PPP1R1A: variants seen among roughly 807,000 people sequenced by gnomAD.
The protein encoded by PPP1R1A is protein phosphatase 1 regulatory subunit 1A.
A neutral mutation model predicts 23.9 loss-of-function variants in PPP1R1A; 18 were observed. The ratio of observed to expected loss-of-function variants is 0.75; its 90% CI spans 0.52 to 1.12. PPP1R1A has a LOEUF of 1.12. Among genes scored for constraint, PPP1R1A ranks in the 50% most tolerant of loss-of-function variants. PPP1R1A has a pLI of 0.00. For synonymous variants in PPP1R1A, 84 were observed against 80.7 expected (o/e 1.04, Z -0.22); for missense variants, 207 against 223.8 (o/e 0.92, Z 0.48).
intron 3 of PPP1R1A, among the ~76,000 whole-genome samples, 197 bp from the exon 4 acceptor site, chr12:54,582,992 G>C (rs527299071): frequency 6.6e-6 from 1 of 152,112 alleles, no homozygotes; most frequent in Non-Finnish European, 1.5e-5. Flanking sequence ...CAACCACCTC[G>C]ACAATGGTGA....
chr12:54,588,397 C>T lies in PPP1R1A; in HGVS notation c.84+8G>A. ...GCGAGTGCCCTGCCGCCCCGCCCTG[C>T]TCCGCACCTGCTCCGCCGCCTCGGG... On this transcript the variant is annotated splice_region_variant and intron_variant, in intron 1 of 6. Transcript: ENST00000257905. 6.7e-7 allele frequency: 1 copy of T among 1,494,482 alleles called. No individual in the cohort carries two copies. Among genetic ancestry groups the T allele is most frequent in the Non-Finnish European group, 9.0e-7 (1 of 1,116,726 alleles). 92.6% of individuals were successfully genotyped at this position (1,494,482 alleles called of 1,614,324 possible).
In PPP1R1A at chr12:54,588,256, A is replaced by ACCC. The variant is rs142801029; in HGVS notation, c.84+146_84+148dup. On this transcript the variant is annotated intron_variant, in intron 1 of 6. Coordinates refer to ENST00000257905, the MANE Select transcript of PPP1R1A (RefSeq NM_006741.4). ...CCGACGGTGGGGGAGGGGACAGAAG[A>ACCC]CCCCCCCCCGCCCCCCGCAAACTGA... is the stretch of plus-strand genomic sequence containing the variant. The ACCC allele has an allele frequency of 6.2e-3, 1,127 of 181,488 alleles. 29 individuals carry two copies. The highest frequency in any genetic ancestry group is 0.029 in the African/African-American group (1,065 of 36,634). The allele number at this position is 181,488 out of a possible 1,614,324, so 11.2% of individuals were successfully genotyped here.
In PPP1R1A at chr12:54,581,146, C is replaced by T; in HGVS notation, c.404-96G>A. 1.0e-6 allele frequency: 1 copy of T among 957,326 alleles called. No individual in the cohort carries two copies. The highest frequency in any genetic ancestry group is 1.6e-5 in the African/African-American group (1 of 61,694). The allele number at this position is 957,326 out of a possible 1,614,324, so 59.3% of individuals were successfully genotyped here. A position where few individuals can be genotyped will look rare whatever the true frequency, so the allele number is the denominator to read the frequency against. On this transcript the variant is annotated intron_variant, in intron 5 of 6. Coordinates refer to ENST00000257905, the MANE Select transcript of PPP1R1A (RefSeq NM_006741.4). The surrounding 1 kb of genome is among the most constrained non-coding windows in gnomAD (Gnocchi z 4.1). ...CCTCACTGCACCCATACCCCAGTGG[C>T]CCCTGAGAGGGCCCCAGGACCAAGT...
rs905717466 is a variant in PPP1R1A, at chr12:54,579,889, A to G, written c.*498T>C. On this transcript the variant is annotated 3_prime_UTR_variant, in exon 7 of 7. Coordinates refer to ENST00000257905, the MANE Select transcript of PPP1R1A (RefSeq NM_006741.4). The stretch of plus-strand genomic sequence containing the variant: ...CCATGGTGCAGTTCCCCTTTTGTCC[A>G]GCAGATGGAGCCCACCGCACAGTCA... 1.1e-5 allele frequency: 11 copies of G among 986,408 alleles called. No homozygotes were observed. Among genetic ancestry groups the G allele is most frequent in the Non-Finnish European group, 1.3e-5 (11 of 830,738 alleles). The allele number at this position is 986,408 out of a possible 1,614,324, so 61.1% of individuals were successfully genotyped here. A position where few individuals can be genotyped will look rare whatever the true frequency, so the allele number is the denominator to read the frequency against.
chr12:54,582,935 G>T, intron 3 of PPP1R1A, 140 bp from the exon 4 acceptor site: 2 of 947,988 alleles, frequency 2.1e-6, no homozygotes, highest in East Asian at 5.1e-5. Context: ...TGGAGCCTGG[G>T]GTAGGTGTGA....
intron 1 of PPP1R1A, 100 bp downstream of exon 1, chr12:54,588,305 C>T (rs1254191541): frequency 1.3e-6 from 1 of 759,468 alleles, no homozygotes; most frequent in Non-Finnish European, 1.8e-6. Flanking sequence ...AAAGGGCGCA[C>T]TGCTAAGGGA....
At chr12:54,583,893 C>T (rs1219199693) in intron 2 of PPP1R1A, among the ~76,000 whole-genome samples, 1 of 152,182 alleles carries the variant, frequency 6.6e-6, no homozygotes, top group Non-Finnish European at 1.5e-5. Context: ...CCTCTGGGGG[C>T]TGTGAAGAGC....
chr12:54,580,372 A>G lies in PPP1R1A; in HGVS notation c.*15T>C. 6.2e-7 allele frequency: 1 copy of G among 1,613,630 alleles called. No homozygotes were observed. The highest frequency in any genetic ancestry group is 8.5e-7 in the Non-Finnish European group (1 of 1,179,646). On this transcript the variant is annotated 3_prime_UTR_variant, in exon 7 of 7. Coordinates refer to ENST00000257905, the MANE Select transcript of PPP1R1A (RefSeq NM_006741.4). ...CCCAAACTGCAGTCTTGATCCCAAG[A>G]TACCTCCTCCTCTCTCAGACCTGTT...
At chr12:54,586,118 T>C (rs1386004846) in intron 1 of PPP1R1A, among the ~76,000 whole-genome samples, 2 of 151,618 alleles carry the variant, frequency 1.3e-5, no homozygotes. Flanking sequence ...ACAAGGAGGG[T>C]GGAGTGGCGA....
intron 6 of PPP1R1A, 32 bp from the exon 7 acceptor site, chr12:54,580,424 G>A (rs1957843731): frequency 2.5e-6 from 4 of 1,595,926 alleles, no homozygotes; most frequent in Non-Finnish European, 3.4e-6. Flanking sequence ...AGAAAGAGAA[G>A]GTGAGAGGCC....
Position 54,579,293 on chromosome 12 carries a change from A to G in PPP1R1A, c.*1094T>C. 1.0e-6 allele frequency: 1 copy of G among 985,024 alleles called. No homozygotes were observed. The allele number at this position is 985,024 out of a possible 1,614,324, so 61.0% of individuals were successfully genotyped here. A position where few individuals can be genotyped will look rare whatever the true frequency, so the allele number is the denominator to read the frequency against. ...GTTGACCAAGCATCTTCACATACAT[A>G]CACTCTTTCCAGCATGATAAAATCT... On this transcript the variant is annotated 3_prime_UTR_variant, in exon 7 of 7. Transcript: ENST00000257905.
In PPP1R1A at chr12:54,581,102, T is replaced by G. The variant is rs1443552508; in HGVS notation, c.404-52A>C. On this transcript the variant is annotated intron_variant, in intron 5 of 6. Transcript: ENST00000257905. This position sits in a 1 kb window ranked among gnomAD's most constrained non-coding sequence, Gnocchi z 4.1. ...GAAGAGGTGGCATTCATAAAGGTGT[T>G]GGGGAGGGAACTGCTTCTCCTCACT... 2.6e-5 allele frequency: 36 copies of G among 1,411,108 alleles called. No individual in the cohort carries two copies. The highest frequency in any genetic ancestry group is 3.5e-5 in the Non-Finnish European group (35 of 1,005,404). 87.4% of individuals were successfully genotyped at this position (1,411,108 alleles called of 1,614,324 possible). A position where few individuals can be genotyped will look rare whatever the true frequency, so the allele number is the denominator to read the frequency against.
rs757333307 is a variant in PPP1R1A at position 54,582,721 on chromosome 12, G to A, written c.247+11C>T. 1 of 1,613,288 alleles carries A rather than the reference G, an allele frequency of 6.2e-7. No individual in the cohort carries two copies. The highest frequency in any genetic ancestry group is 1.1e-5 in the South Asian group (1 of 91,060). ...CAGAGGAGAAAAAGGGATGGGAGGGGTCTTGCAAACCTTTCATTGTGGGTG... is the reference window on the plus strand; with the variant it reads ...CAGAGGAGAAAAAGGGATGGGAGGGATCTTGCAAACCTTTCATTGTGGGTG... On this transcript the variant is annotated intron_variant, in intron 4 of 6. Transcript: ENST00000257905.
In PPP1R1A at chr12:54,581,059, G is replaced by A. The variant is rs543429012; in HGVS notation, c.404-9C>T. 23 of 1,587,982 alleles carry A rather than the reference G, an allele frequency of 1.4e-5. No homozygotes were observed. The South Asian group carries it at 2.5e-4, about 18-fold the overall frequency. ...GATGCATTCTGCAGTTTCTGGGGAG[G>A]GAACATAGGGGTGGGAGGAAGAGGT... On this transcript the variant is annotated splice_polypyrimidine_tract_variant and intron_variant, in intron 5 of 6. Coordinates refer to ENST00000257905, the MANE Select transcript of PPP1R1A (RefSeq NM_006741.4). The surrounding 1 kb of genome is among the most constrained non-coding windows in gnomAD (Gnocchi z 4.1).
chr12:54,582,142 A>C lies in PPP1R1A; in HGVS notation c.248-11T>G. On this transcript the variant is annotated splice_polypyrimidine_tract_variant and intron_variant, in intron 4 of 6. Coordinates refer to ENST00000257905, the MANE Select transcript of PPP1R1A (RefSeq NM_006741.4). ...CCATCATCTGGAGCTCTGGGGACAC[A>C]GAGAAAGGGAGGGAACACTGGATAT... is the stretch of plus-strand genomic sequence containing the variant. 6.2e-7 allele frequency: 1 copy of C among 1,609,312 alleles called. No individual in the cohort carries two copies. The highest frequency in any genetic ancestry group is 1.7e-4 in the Middle Eastern group (1 of 6,048).
At chr12:54,583,381 T>C in intron 2 of PPP1R1A, 133 bp from the exon 3 acceptor site, 2 of 863,906 alleles carry the variant, frequency 2.3e-6, no homozygotes, top group Non-Finnish European at 3.2e-6. Flanking sequence ...CCCCAGGCTC[T>C]TGGCCCTCAT....
At chr12:54,587,498 G>C (rs975368115) in intron 1 of PPP1R1A, among the ~76,000 whole-genome samples, 1 of 152,106 alleles carries the variant, frequency 6.6e-6, no homozygotes, top group Non-Finnish European at 1.5e-5. Context: ...CCACACATAC[G>C]CTCACTCTCA....
intron 1 of PPP1R1A, 126 bp downstream of exon 1, chr12:54,588,279 T>G: frequency 2.0e-5 from 2 of 100,844 alleles, no homozygotes; most frequent in Non-Finnish European, 3.8e-5. Flanking sequence ...CCCCGCAAAC[T>G]GAGCGTTCGT....
chr12:54,588,541 G>A lies in PPP1R1A; in HGVS notation c.-53C>T. ...GCTGCGGCGGGAGGGAAGGCGGCGG[G>A]ACTCGGGGCTGGGGCGGGCGCGCTC... On this transcript the variant is annotated 5_prime_UTR_variant, in exon 1 of 7. Transcript: ENST00000257905. 8.3e-7 allele frequency: 1 copy of A among 1,204,100 alleles called. No individual in the cohort carries two copies. The highest frequency in any genetic ancestry group is 1.6e-5 in the African/African-American group (1 of 62,566). The allele number at this position is 1,204,100 out of a possible 1,614,324, so 74.6% of individuals were successfully genotyped here. A position where few individuals can be genotyped will look rare whatever the true frequency, so the allele number is the denominator to read the frequency against.
Sources: gnomAD v4.1 joint callset for allele counts (sites outside exome capture counted in the v4.1 genomes callset) on GRCh38, gnomAD v4.1.1 for gene constraint, Gnocchi (gnomAD v3.1) non-coding constraint, MANE v1.5 for transcripts, NCBI Gene and HGNC (gene_info 2026-07-23, HGNC 2026-07-21) for gene names.